Variants in C20orf203 observed in about 807,000 individuals in gnomAD.
C20orf203 encodes uncharacterized protein C20orf203.
C20orf203 carries 16 observed loss-of-function variants against 15.9 expected under a neutral mutation model. The ratio of observed to expected loss-of-function variants is 1.01; its 90% CI spans 0.68 to 1.53. The LOEUF (loss-of-function observed/expected upper bound fraction) is 1.53, where lower values mean the gene tolerates loss of function less well. C20orf203 is among the 40% of genes most tolerant of loss of function. The pLI is 0.00. For missense variants in C20orf203, 263 were observed against 247.5 expected, an observed-to-expected ratio of 1.06 and a Z score of -0.42; for synonymous variants, 98 against 97.2, an observed-to-expected ratio of 1.01 and a Z score of -0.05.
At chr20:32,663,506 G>T (rs1982946099) in intron 1 of C20orf203, among the ~76,000 whole-genome samples, 1 of 152,156 alleles carries the variant, frequency 6.6e-6, no homozygotes. Flanking sequence ...GATCTATATG[G>T]AAAAACAAGC....
At chr20:32,635,525 C>A (rs998081710) in intron 5 of C20orf203, among the ~76,000 whole-genome samples, 2 of 151,410 alleles carry the variant, frequency 1.3e-5, no homozygotes, top group Non-Finnish European at 2.9e-5. Context: ...TAATAATAAT[C>A]ATTTCCTCGG....
intron 1 of C20orf203, among the ~76,000 whole-genome samples, chr20:32,673,329 G>T (rs1027703714): frequency 6.6e-6 from 1 of 152,178 alleles, no homozygotes; most frequent in Non-Finnish European, 1.5e-5. Context: ...GGCCGGAGGT[G>T]TCTCAGCCCC....
chr20:32,647,160 C>A (rs1200774497), intron 4 of C20orf203, among the ~76,000 whole-genome samples: 1 of 150,218 alleles, frequency 6.7e-6, no homozygotes, highest in Non-Finnish European at 1.5e-5. Context: ...TTTGGGAGGC[C>A]AAGCTGGATG....
intron 1 of C20orf203, among the ~76,000 whole-genome samples, chr20:32,652,769 GGA>G (rs1449230017): frequency 6.6e-6 from 1 of 152,172 alleles, no homozygotes; most frequent in Non-Finnish European, 1.5e-5. Context: ...AATTTGGTGG[GGA>G]GAGGATGCAG....
At chr20:32,643,273 G>A (rs1329224524) in intron 4 of C20orf203, among the ~76,000 whole-genome samples, 2 of 152,190 alleles carry the variant, frequency 1.3e-5, no homozygotes, top group Non-Finnish European at 2.9e-5. Context: ...GCCTCTCTGT[G>A]CCTCAGTTTA....
rs1982004323 is a variant in C20orf203 at position 32,631,910 on chromosome 20, A to C, written c.*3660T>G. 6.6e-6 allele frequency: 1 copy of C among 152,258 alleles called. No individual in the cohort carries two copies. Among genetic ancestry groups the C allele is most frequent in the Admixed American group, 6.5e-5 (1 of 15,280 alleles). The allele number at this position is 152,258 out of a possible 1,614,324, so 9.4% of individuals were successfully genotyped here. A position where few individuals can be genotyped will look rare whatever the true frequency, so the allele number is the denominator to read the frequency against. On this transcript the variant is annotated 3_prime_UTR_variant, in exon 6 of 6. Coordinates refer to ENST00000608990, the MANE Select transcript of C20orf203 (RefSeq NM_182584.4). ...CCAGAGCCAGAGAGAGCTGGTTTCC[A>C]CAGCAGCAGTAGCATACGCAGGTCC...
At chr20:32,634,575 G>A (rs1982087354) in intron 5 of C20orf203, among the ~76,000 whole-genome samples, 1 of 152,114 alleles carries the variant, frequency 6.6e-6, no homozygotes, top group Admixed American at 6.5e-5. Flanking sequence ...CAGGACGGAG[G>A]ATGTTTACTG....
chr20:32,670,557 C>T (rs6087410), intron 1 of C20orf203, among the ~76,000 whole-genome samples: 18,620 of 151,348 alleles, frequency 0.12, 1,511 homozygotes, highest in East Asian at 0.3. Context: ...AAATAGGCCA[C>T]GCACAGTGGT....
intron 5 of C20orf203, among the ~76,000 whole-genome samples, chr20:32,634,926 G>A (rs796657752): frequency 6.6e-5 from 10 of 152,292 alleles, no homozygotes; most frequent in South Asian, 2.1e-4. Context: ...TCAGCCAGAC[G>A]CGGTCTCTCA....
chr20:32,668,497 G>A (rs1983086984), intron 1 of C20orf203, among the ~76,000 whole-genome samples: 1 of 151,956 alleles, frequency 6.6e-6, no homozygotes, highest in South Asian at 2.1e-4. Flanking sequence ...GTGGTGGCGG[G>A]TGCCTGCAGT....
chr20:32,642,558 T>A (rs1982314232), intron 4 of C20orf203, among the ~76,000 whole-genome samples: 1 of 152,186 alleles, frequency 6.6e-6, no homozygotes, highest in Non-Finnish European at 1.5e-5. Flanking sequence ...GTGGCAGTAA[T>A]CTATCTGGCC....
chr20:32,650,769 T>C lies in C20orf203; in HGVS notation c.248A>G (p.Gln83Arg). The C allele has an allele frequency of 5.9e-6, 9 of 1,514,984 alleles. No individual in the cohort carries two copies. The highest frequency in any genetic ancestry group is 8.0e-6 in the Non-Finnish European group (9 of 1,128,858). 93.8% of individuals were successfully genotyped at this position (1,514,984 alleles called of 1,614,324 possible). ...GCCTGGGTGTTGCGGAGGAGGAGGC[T>C]GGCGCTGGTGGCTGGGCTGGGGGTG... ...RVHPQPSHQRQPPPPQHPGPY... is the reference protein window; with the variant it reads ...RVHPQPSHQRRPPPPQHPGPY... Residue 83 changes from glutamine (Q) to arginine (R), a missense_variant, in exon 4 of 6, where the codon CAG becomes CGG. Physicochemically the swap from Gln to Arg is conservative, Grantham distance 43. Transcript: ENST00000608990.
At chr20:32,658,452 G>A (rs2145677280) in intron 1 of C20orf203, among the ~76,000 whole-genome samples, 1 of 151,724 alleles carries the variant, frequency 6.6e-6, no homozygotes, top group East Asian at 1.9e-4. Context: ...ACCATGCCCA[G>A]CTAATTTTTG....
chr20:32,650,430 G>C lies in C20orf203; in HGVS notation c.*2C>G. 6.5e-7 allele frequency: 1 copy of C among 1,548,286 alleles called. No homozygotes were observed. The highest frequency in any genetic ancestry group is 8.7e-7 in the Non-Finnish European group (1 of 1,145,352). On this transcript the variant is annotated 3_prime_UTR_variant, in exon 4 of 6. Coordinates refer to ENST00000608990, the MANE Select transcript of C20orf203 (RefSeq NM_182584.4). ...CTGGGGGTGGGGGCGCCCTGGGCTC[G>C]GCTAATTAAACAGCGACCGTGATGA... is the stretch of plus-strand genomic sequence containing the variant.
rs1270705722 is a variant in C20orf203 at position 32,634,212 on chromosome 20, G to GGGGAGGTTCCTA, written c.*1346_*1357dup. On this transcript the variant is annotated 3_prime_UTR_variant, in exon 6 of 6. Transcript: ENST00000608990. ...GCTGGGGCTTGAGTTCAGGGGTTGGGGGGAGGTTCCTAGCCTGGGGGCTCT... is the reference window on the plus strand; with the variant it reads ...GCTGGGGCTTGAGTTCAGGGGTTGGGGGGAGGTTCCTAGGGAGGTTCCTAGCCTGGGGGCTCT... 3 of 398,546 alleles carry GGGGAGGTTCCTA rather than the reference G, an allele frequency of 7.5e-6. No homozygotes were observed. 24.7% of individuals were successfully genotyped at this position (398,546 alleles called of 1,614,324 possible).
At chr20:32,645,090 TG>T (rs1186862795) in intron 4 of C20orf203, among the ~76,000 whole-genome samples, 1 of 151,954 alleles carries the variant, frequency 6.6e-6, no homozygotes, top group East Asian at 1.9e-4. Flanking sequence ...AGGAATTGGT[TG>T]GGGGGCTAAT....
intron 5 of C20orf203, among the ~76,000 whole-genome samples, chr20:32,639,856 G>A (rs986443589): frequency 1.1e-4 from 17 of 152,114 alleles, no homozygotes; most frequent in Non-Finnish European, 2.1e-4. Context: ...AGCTGTGCCC[G>A]GTCAGAGCAC....
intron 4 of C20orf203, among the ~76,000 whole-genome samples, chr20:32,648,461 G>C (rs1315253254): frequency 5.8e-5 from 5 of 86,076 alleles, no homozygotes; most frequent in Admixed American, 1.9e-4. Flanking sequence ...TTTTTTTTGA[G>C]ACAGAGTCTC....
intron 1 of C20orf203, among the ~76,000 whole-genome samples, chr20:32,672,093 G>C (rs1983184232): frequency 6.6e-6 from 1 of 152,052 alleles, no homozygotes; most frequent in African/African-American, 2.4e-5. Flanking sequence ...AAGGCAGGCG[G>C]ATCACAAGGT....
Sources: gnomAD v4.1 joint callset for allele counts (sites outside exome capture counted in the v4.1 genomes callset) on GRCh38, gnomAD v4.1.1 for gene constraint, MANE v1.5 for transcripts, NCBI Gene and HGNC (gene_info 2026-07-23, HGNC 2026-07-21) for gene names.